The following PLSCR2 variants were observed in gnomAD, a reference collection of about 807,000 sequenced individuals.
PLSCR2 encodes the protein PL scramblase 2.
A neutral mutation model predicts 25.3 loss-of-function variants in PLSCR2; 18 were observed. The ratio of observed to expected loss-of-function variants is 0.71; its 90% CI spans 0.49 to 1.06. The LOEUF is 1.06. Ranked by LOEUF, PLSCR2 falls within the 50% of genes least tolerant of loss-of-function variation. The pLI, the probability that PLSCR2 is intolerant of heterozygous loss-of-function variation, is 0.00. For missense variants in PLSCR2, 243 were observed against 269.5 expected (o/e 0.90, Z 0.69); for synonymous variants, 88 against 87.3 (o/e 1.01, Z -0.04).
At chr3:146,404,156 C>T (rs926447278) in intron 2 of PLSCR2, among the ~76,000 whole-genome samples, 1 of 152,182 alleles carries the variant, frequency 6.6e-6, no homozygotes, top group Non-Finnish European at 1.5e-5. Flanking sequence ...CTCCCTTGTC[C>T]AAGTGTGTGC....
downstream of PLSCR2, among the ~76,000 whole-genome samples, chr3:146,440,462 G>A (rs539953670): frequency 1.3e-5 from 2 of 152,306 alleles, no homozygotes; most frequent in South Asian, 2.1e-4. Flanking sequence ...ACCTACTCAA[G>A]CCTCAGCAAT....
chr3:146,476,173 A>G (rs559519196), intron 1 of PLSCR2, among the ~76,000 whole-genome samples: 7 of 152,180 alleles, frequency 4.6e-5, no homozygotes, highest in Non-Finnish European at 7.4e-5. Flanking sequence ...CAGTGTGTGA[A>G]TCCTGCACTG....
At chr3:146,469,379 A>T (rs774227201) in intron 1 of PLSCR2, 116 bp downstream of exon 1, 26 of 945,784 alleles carry the variant, frequency 2.7e-5, no homozygotes, top group Non-Finnish European at 3.0e-5. Flanking sequence ...CCCGCGGCCC[A>T]TTGGGCCCTT....
Position 146,427,684 on chromosome 3 carries a change from A to G in PLSCR2, c.100+30727T>C, listed in dbSNP as rs764552156. ...TGAGCAAACTTTCTGTCTTAGTTTAAAAGTCACCACCCACAGGAAGAATTT... is the reference window on the plus strand; with the variant it reads ...TGAGCAAACTTTCTGTCTTAGTTTAGAAGTCACCACCCACAGGAAGAATTT... On this transcript the variant is annotated intron_variant and NMD_transcript_variant, in intron 2 of 3. Coordinates refer to the PLSCR2 transcript ENST00000463633. Among the ~76,000 whole-genome samples the G allele has an allele frequency of 7.6e-4, 116 of 152,192 alleles. 8 individuals carry two copies. The highest frequency in any genetic ancestry group is 3.1e-4 in the Non-Finnish European group (21 of 68,036).
chr3:146,417,337 T>A (rs149501396), intron 2 of PLSCR2, among the ~76,000 whole-genome samples: 108 of 152,098 alleles, frequency 7.1e-4, no homozygotes, highest in African/African-American at 2.3e-3. Context: ...CAAGAAAAAA[T>A]TTGAACTTGT....
Position 146,486,167 on chromosome 3 carries a change from C to T in PLSCR2, c.-293+9728G>A, listed in dbSNP as rs1055391136. Among the ~76,000 whole-genome samples the T allele has an allele frequency of 5.3e-5, 8 of 152,094 alleles. No homozygotes were observed. The East Asian group carries it at 7.7e-4, about 15-fold the overall frequency. ...CAAATCTCTGGGACACAGCTAAAGC[C>T]GTGTTAAGAGGGAAATTTATAGCAC... On this transcript the variant is annotated intron_variant, in intron 1 of 8. Transcript: ENST00000336685.
intron 1 of PLSCR2, among the ~76,000 whole-genome samples, chr3:146,472,077 T>C (rs780573682): frequency 2.6e-5 from 4 of 152,260 alleles, no homozygotes; most frequent in Non-Finnish European, 4.4e-5. Context: ...CAGTTGGGAA[T>C]GTCTAGTTGT....
At chr3:146,444,065 GT>G (rs2040407069) in intron 6 of PLSCR2, among the ~76,000 whole-genome samples, 1 of 151,758 alleles carries the variant, frequency 6.6e-6, no homozygotes, top group Non-Finnish European at 1.5e-5. Flanking sequence ...TGTTTTTATA[GT>G]TTCCAAAGTT....
At chr3:146,481,486 C>G (rs530673218) in intron 1 of PLSCR2, among the ~76,000 whole-genome samples, 2 of 152,296 alleles carry the variant, frequency 1.3e-5, no homozygotes, top group East Asian at 3.9e-4. Flanking sequence ...ACAATTGCTA[C>G]AAACAGAATA....
downstream of PLSCR2, among the ~76,000 whole-genome samples, chr3:146,432,303 G>A (rs2039576171): frequency 6.6e-6 from 1 of 152,036 alleles, no homozygotes; most frequent in African/African-American, 2.4e-5. Flanking sequence ...GTTTCCACAA[G>A]TTGTACAAAG....
chr3:146,403,689 T>C (rs1251042964), intron 2 of PLSCR2, among the ~76,000 whole-genome samples: 1 of 152,212 alleles, frequency 6.6e-6, no homozygotes, highest in Non-Finnish European at 1.5e-5. Flanking sequence ...CTTAGTTTTT[T>C]TTGTGTCACT....
chr3:146,488,700 G>A (rs2043435335), intron 1 of PLSCR2, among the ~76,000 whole-genome samples: 1 of 152,070 alleles, frequency 6.6e-6, no homozygotes. Context: ...TGGAGAAATA[G>A]GAATGCTTTT....
At chr3:146,464,431 C>T (rs2041769457), upstream of PLSCR2, among the ~76,000 whole-genome samples, 1 of 152,174 alleles carries the variant, frequency 6.6e-6, no homozygotes, top group Non-Finnish European at 1.5e-5. Context: ...CAGTTTAGGA[C>T]ATGATTGGGC....
chr3:146,441,335 C>T, downstream of PLSCR2, among the ~76,000 whole-genome samples: 1 of 151,884 alleles, frequency 6.6e-6, no homozygotes, highest in Non-Finnish European at 1.5e-5. Context: ...TTTCTGAGTA[C>T]ACAGTATTTG....
At chr3:146,403,164 A>AC (rs36032881) in intron 2 of PLSCR2, among the ~76,000 whole-genome samples, 40 of 151,728 alleles carry the variant, frequency 2.6e-4, no homozygotes, top group Non-Finnish European at 4.6e-4. Context: ...ACACACACAC[A>AC]TGCACACTCC....
intron 3 of PLSCR2, among the ~76,000 whole-genome samples, chr3:146,394,464 C>G (rs539481928): frequency 6.6e-6 from 1 of 152,142 alleles, no homozygotes; most frequent in Non-Finnish European, 1.5e-5. Context: ...CGGGGTTTCT[C>G]CATGTTGGTC....
intron 2 of PLSCR2, among the ~76,000 whole-genome samples, chr3:146,419,031 T>G (rs535736676): frequency 8.5e-5 from 13 of 152,162 alleles, no homozygotes; most frequent in Non-Finnish European, 1.8e-4. Context: ...TAGTGTCTTG[T>G]GCAATCTGGA....
chr3:146,452,275 A>G (rs2108337214), intron 5 of PLSCR2, among the ~76,000 whole-genome samples: 1 of 152,140 alleles, frequency 6.6e-6, no homozygotes, highest in Non-Finnish European at 1.5e-5. Flanking sequence ...AGTATGAGTA[A>G]AAAAAAAGAA....
intron 2 of PLSCR2, among the ~76,000 whole-genome samples, chr3:146,423,933 C>T (rs537977922): frequency 6.6e-6 from 1 of 152,164 alleles, no homozygotes; most frequent in African/African-American, 2.4e-5. Context: ...TCTTCTCAGG[C>T]TGCCCAAATA....
Sources: allele counts gnomAD v4.1 joint callset (sites outside exome capture counted in the v4.1 genomes callset), GRCh38; gene constraint gnomAD v4.1.1; transcripts MANE v1.5; gene names NCBI Gene and HGNC (gene_info 2026-07-23, HGNC 2026-07-21).